Variants in ARHGAP15 observed in about 807,000 individuals in gnomAD.
The protein encoded by ARHGAP15 is Rho GTPase activating protein 15.
ARHGAP15 carries 51 observed loss-of-function variants against 63.7 expected under a neutral mutation model. That is an observed-to-expected ratio of 0.80 (90% confidence interval 0.64 to 1.01). The LOEUF is 1.01. Among genes scored for constraint, ARHGAP15 ranks in the 50% least tolerant of loss-of-function variants. ARHGAP15 has a pLI of 0.00. For synonymous variants in ARHGAP15, 191 were observed against 193.8 expected (o/e 0.99, Z 0.12); for missense variants, 560 against 564.6 (o/e 0.99, Z 0.08).
At chr2:143,252,194 T>C (rs190424137) in intron 6 of ARHGAP15, among the ~76,000 whole-genome samples, 33 of 152,158 alleles carry the variant, frequency 2.2e-4, no homozygotes, top group African/African-American at 7.7e-4. Flanking sequence ...AGTTCACAAA[T>C]GAGGATGACA....
chr2:143,226,115 C>T (rs1693205215), intron 4 of ARHGAP15, among the ~76,000 whole-genome samples: 1 of 152,212 alleles, frequency 6.6e-6, no homozygotes, highest in South Asian at 2.1e-4. Flanking sequence ...AGTTCTTACC[C>T]TCTTCAGTTT....
At chr2:143,703,850 T>C (rs1223953230) in intron 13 of ARHGAP15, 2 of 190,878 alleles carry the variant, frequency 1.0e-5, no homozygotes, top group Non-Finnish European at 2.1e-5. Flanking sequence ...ATGAAATGAT[T>C]CAGACATGGA....
intron 8 of ARHGAP15, among the ~76,000 whole-genome samples, chr2:143,444,068 C>T (rs1690020862): frequency 6.6e-6 from 1 of 152,150 alleles, no homozygotes; most frequent in African/African-American, 2.4e-5. Flanking sequence ...TGAAAGTCCA[C>T]CTAACCCTCT....
intron 11 of ARHGAP15, among the ~76,000 whole-genome samples, chr2:143,604,776 G>A (rs1483947156): frequency 6.6e-6 from 1 of 152,170 alleles, no homozygotes; most frequent in Non-Finnish European, 1.5e-5. Flanking sequence ...CACGCATCCT[G>A]AAAACTCGAC....
intron 12 of ARHGAP15, among the ~76,000 whole-genome samples, chr2:143,673,754 G>GTC (rs1166388931): frequency 3.2e-5 from 1 of 31,406 alleles, no homozygotes; most frequent in African/African-American, 7.2e-5. Context: ...GTGTGTGTGT[G>GTC]TGTGTATATA....
At chr2:143,353,390 G>A (rs962994658) in intron 6 of ARHGAP15, among the ~76,000 whole-genome samples, 1 of 152,186 alleles carries the variant, frequency 6.6e-6, no homozygotes, top group Non-Finnish European at 1.5e-5. Flanking sequence ...GGGTTTTGGT[G>A]CTTTTTTAGC....
chr2:143,647,359 TA>T (rs79292470), intron 12 of ARHGAP15, among the ~76,000 whole-genome samples: 31,259 of 136,410 alleles, frequency 0.23, 3,419 homozygotes, highest in South Asian at 0.27. Context: ...ACCAAGTAGT[TA>T]AAAAAAAAAA....
intron 13 of ARHGAP15, among the ~76,000 whole-genome samples, chr2:143,731,974 T>C (rs1456217273): frequency 6.6e-6 from 1 of 152,180 alleles, no homozygotes; most frequent in East Asian, 1.9e-4. Context: ...TATGTCTGAA[T>C]CCAGAGCCCC....
intron 8 of ARHGAP15, among the ~76,000 whole-genome samples, chr2:143,457,919 A>C (rs1354630074): frequency 2.0e-5 from 3 of 152,040 alleles, no homozygotes; most frequent in Admixed American, 6.6e-5. Flanking sequence ...AAACAATTAC[A>C]TAAGAAATAT....
At chr2:143,339,155 G>A (rs2105281349) in intron 6 of ARHGAP15, among the ~76,000 whole-genome samples, 1 of 152,208 alleles carries the variant, frequency 6.6e-6, no homozygotes, top group African/African-American at 2.4e-5. Context: ...GAGCAGGAAA[G>A]GGCCTGTTGT....
chr2:143,384,361 A>G (rs1378656372), intron 6 of ARHGAP15, among the ~76,000 whole-genome samples: 1 of 152,072 alleles, frequency 6.6e-6, no homozygotes, highest in Non-Finnish European at 1.5e-5. Flanking sequence ...TACGTTAGAA[A>G]CGTATGTCCC....
intron 6 of ARHGAP15, among the ~76,000 whole-genome samples, chr2:143,390,966 T>C (rs945665592): frequency 2.0e-5 from 3 of 152,200 alleles, no homozygotes; most frequent in East Asian, 3.8e-4. Context: ...GCTTTTTACC[T>C]AGGGTTTTAC....
chr2:143,482,294 T>A (rs1208900300), intron 8 of ARHGAP15, among the ~76,000 whole-genome samples: 3 of 152,174 alleles, frequency 2.0e-5, no homozygotes, highest in Non-Finnish European at 4.4e-5. Flanking sequence ...TTAACATAAA[T>A]CTTTAAACTG....
intron 13 of ARHGAP15, among the ~76,000 whole-genome samples, chr2:143,726,821 T>G (rs1247955233): frequency 7.2e-5 from 11 of 152,196 alleles, no homozygotes; most frequent in Non-Finnish European, 1.6e-4. Flanking sequence ...AAAAATTATG[T>G]CACTATTTTT....
rs778200413 is a variant in ARHGAP15, at chr2:143,487,384, C to T, written c.715C>T (p.His239Tyr). 4 of 1,613,020 alleles carry T rather than the reference C, an allele frequency of 2.5e-6. No individual in the cohort carries two copies. The highest frequency in any genetic ancestry group is 2.5e-6 in the Non-Finnish European group (3 of 1,179,686). Residue 239 changes from histidine (H) to tyrosine (Y), a missense_variant, in exon 9 of 14, where the codon CAT becomes TAT. By Grantham distance (83) the His-to-Tyr change is moderately conservative. Coordinates refer to ENST00000295095, the MANE Select transcript of ARHGAP15 (RefSeq NM_018460.4). ...TTTTAAATCTTCAGTGTTCAGACTG[C>T]ATCACAGTGCTTCCGATACAAGCGA... ...EHRKSLMFRL[H>Y]HSASDTSDKN...
chr2:143,410,183 T>C (rs529786527), intron 6 of ARHGAP15, among the ~76,000 whole-genome samples: 14 of 152,212 alleles, frequency 9.2e-5, no homozygotes, highest in Non-Finnish European at 1.5e-4. Flanking sequence ...TTAAAAGTAA[T>C]GGTGAATTCC....
chr2:143,276,951 A>G (rs1681590008), intron 6 of ARHGAP15, among the ~76,000 whole-genome samples: 1 of 152,232 alleles, frequency 6.6e-6, no homozygotes. Context: ...CAAAAACTTC[A>G]GAGTGATTTA....
chr2:143,261,603 C>A (rs907510042), intron 6 of ARHGAP15, among the ~76,000 whole-genome samples: 3 of 151,922 alleles, frequency 2.0e-5, no homozygotes, highest in African/African-American at 7.3e-5. Context: ...CAGCCTTGGC[C>A]TCCCATAGTG....
chr2:143,508,441 C>T lies in ARHGAP15; in HGVS notation c.827-10825C>T, dbSNP rs534070235. Among the ~76,000 whole-genome samples, 6 of 152,292 alleles carry T rather than the reference C, an allele frequency of 3.9e-5. No individual in the cohort carries two copies. In the South Asian group the frequency reaches 1.2e-3, roughly 32 times the overall value. ...TAATGTGTTTTCATGTTTATTTTCCCCATTTACATATAGACTCTGTGAAGA... is the reference window on the plus strand; with the variant it reads ...TAATGTGTTTTCATGTTTATTTTCCTCATTTACATATAGACTCTGTGAAGA... On this transcript the variant is annotated intron_variant, in intron 9 of 13. Transcript: ENST00000295095.
Sources: allele counts gnomAD v4.1 joint callset (sites outside exome capture counted in the v4.1 genomes callset), GRCh38; gene constraint gnomAD v4.1.1; transcripts MANE v1.5; gene names NCBI Gene and HGNC (gene_info 2026-07-23, HGNC 2026-07-21).